Variants in PACRG observed in about 807,000 individuals in gnomAD.
PACRG encodes the protein parkin coregulated.
PACRG carries 29 observed loss-of-function variants against 29.7 expected under a neutral mutation model. The ratio of observed to expected loss-of-function variants is 0.98; its 90% CI spans 0.73 to 1.33. The LOEUF is 1.33. Among genes scored for constraint, PACRG ranks in the 40% most tolerant of loss-of-function variants. The probability of loss-of-function intolerance (pLI) is 0.00; values close to 1 mark genes in which losing one functional copy is unlikely to be tolerated. For missense variants in PACRG, 279 were observed against 316.2 expected, an observed-to-expected ratio of 0.88 and a Z score of 0.89; for synonymous variants, 116 against 118.7, an observed-to-expected ratio of 0.98 and a Z score of 0.15.
intron 2 of PACRG, among the ~76,000 whole-genome samples, chr6:163,044,471 A>C (rs564860438): frequency 1.3e-5 from 2 of 152,290 alleles, no homozygotes; most frequent in Non-Finnish European, 2.9e-5. Flanking sequence ...CTGGCTGACA[A>C]TTATTAAAAC....
intron 4 of PACRG, among the ~76,000 whole-genome samples, chr6:163,118,108 G>A (rs1347691609): frequency 5.3e-5 from 8 of 152,172 alleles, no homozygotes; most frequent in Non-Finnish European, 1.2e-4. Flanking sequence ...GGGAGAAACC[G>A]AGGTGAAAAC....
chr6:163,101,650 G>A (rs1021326648), intron 4 of PACRG, among the ~76,000 whole-genome samples: 8 of 152,112 alleles, frequency 5.3e-5, no homozygotes, highest in African/African-American at 1.9e-4. Flanking sequence ...GTGAGGAGAA[G>A]GAGTGTGATG....
At chr6:162,816,996 C>T (rs1470105653) in intron 2 of PACRG, among the ~76,000 whole-genome samples, 2 of 152,210 alleles carry the variant, frequency 1.3e-5, no homozygotes, top group Admixed American at 6.5e-5. Flanking sequence ...GGCCCTCTCT[C>T]AACTCTCCTC....
chr6:162,823,211 T>C (rs913129887), intron 2 of PACRG, among the ~76,000 whole-genome samples: 15 of 152,198 alleles, frequency 9.9e-5, no homozygotes, highest in Non-Finnish European at 2.1e-4. Flanking sequence ...ACAGCCTTGG[T>C]AAATGCACTA....
intron 1 of PACRG, among the ~76,000 whole-genome samples, chr6:162,749,256 A>G (rs1027352243): frequency 6.6e-6 from 1 of 152,160 alleles, no homozygotes; most frequent in Non-Finnish European, 1.5e-5. Context: ...GCATGGATGT[A>G]TGTTTATCTC....
At chr6:163,188,671 C>T (rs1023928386) in intron 4 of PACRG, among the ~76,000 whole-genome samples, 3 of 152,208 alleles carry the variant, frequency 2.0e-5, no homozygotes, top group African/African-American at 7.2e-5. Flanking sequence ...GCCTTTCTCA[C>T]ACTTTGTCTA....
intron 2 of PACRG, among the ~76,000 whole-genome samples, chr6:163,018,683 G>T (rs1229786213): frequency 6.6e-6 from 1 of 152,148 alleles, no homozygotes; most frequent in Non-Finnish European, 1.5e-5. Context: ...ATATGCCCCA[G>T]TGTTGGTCTT....
chr6:162,979,954 A>G lies in PACRG; in HGVS notation c.292-82196A>G, dbSNP rs145376579. ...AAATAATATTCAGTCCAGAAAAAAA[A>G]TGAAACTTAGAAATTAACAGAAATG... is the stretch of plus-strand genomic sequence containing the variant. On this transcript the variant is annotated intron_variant, in intron 2 of 4. Transcript: ENST00000366888. Among the ~76,000 whole-genome samples the G allele has an allele frequency of 9.1e-3, 1,393 of 152,286 alleles. 13 individuals are homozygous for G. Among genetic ancestry groups the G allele is most frequent in the African/African-American group, 0.024 (997 of 41,570 alleles).
intron 4 of PACRG, among the ~76,000 whole-genome samples, chr6:163,147,700 G>A (rs973653188): frequency 6.6e-6 from 1 of 152,158 alleles, no homozygotes; most frequent in Non-Finnish European, 1.5e-5. Flanking sequence ...AAAGTATTGA[G>A]CATGTGAGTT....
intron 2 of PACRG, among the ~76,000 whole-genome samples, chr6:162,817,564 A>G (rs1290369521): frequency 6.6e-6 from 1 of 152,224 alleles, no homozygotes; most frequent in Non-Finnish European, 1.5e-5. Context: ...AATGTTCTAC[A>G]TCTGCACCGT....
At chr6:163,283,224 G>T (rs1285214637) in intron 4 of PACRG, among the ~76,000 whole-genome samples, 1 of 152,194 alleles carries the variant, frequency 6.6e-6, no homozygotes, top group Non-Finnish European at 1.5e-5. Flanking sequence ...TCCTGACTCT[G>T]GTTGGTGGCA....
intron 2 of PACRG, among the ~76,000 whole-genome samples, chr6:162,956,350 T>A (rs1202824394): frequency 6.6e-6 from 1 of 152,156 alleles, no homozygotes; most frequent in Non-Finnish European, 1.5e-5. Context: ...TTTTAAGTAG[T>A]TTAAGTTGTC....
At chr6:163,272,267 G>T (rs1783859591) in intron 4 of PACRG, among the ~76,000 whole-genome samples, 1 of 152,114 alleles carries the variant, frequency 6.6e-6, no homozygotes, top group South Asian at 2.1e-4. Context: ...TTGAACTCCT[G>T]ACCTCATGAT....
intron 1 of PACRG, among the ~76,000 whole-genome samples, chr6:162,804,616 C>T (rs1472013796): frequency 6.6e-6 from 1 of 152,056 alleles, no homozygotes; most frequent in Non-Finnish European, 1.5e-5. Flanking sequence ...TTTGCCATCC[C>T]ATGCTTGGAC....
In PACRG at chr6:162,999,551, C is replaced by T. The variant is rs145364284; in HGVS notation, c.292-62599C>T. 5.2e-4 allele frequency among the ~76,000 whole-genome samples: 79 copies of T among 152,308 alleles called. 1 individual carries two copies. In the East Asian group the frequency reaches 9.8e-3, roughly 19 times the overall value. ...CTCAACCAATTTAAATTGGATTAAA[C>T]ACACACAAAAAATTCAGAAACAAGA... On this transcript the variant is annotated intron_variant, in intron 2 of 4. Transcript: ENST00000366888.
chr6:163,120,004 C>T (rs1816193975), intron 4 of PACRG, among the ~76,000 whole-genome samples: 2 of 152,118 alleles, frequency 1.3e-5, no homozygotes, highest in Non-Finnish European at 2.9e-5. Flanking sequence ...CTTTCTAAGA[C>T]ACATTTTGTA....
chr6:163,143,936 C>T (rs931171279), intron 4 of PACRG, among the ~76,000 whole-genome samples: 1 of 152,132 alleles, frequency 6.6e-6, no homozygotes, highest in Admixed American at 6.5e-5. Flanking sequence ...GTAATCTTTT[C>T]TGAAAAGTAG....
In PACRG at chr6:163,260,112, T is replaced by A. The variant is rs181165732; in HGVS notation, c.614-54715T>A. Among the ~76,000 whole-genome samples, 11 of 152,156 alleles carry A rather than the reference T, an allele frequency of 7.2e-5. No individual in the cohort carries two copies. The East Asian group carries it at 2.1e-3, about 29-fold the overall frequency. ...CCTCCAGATCTCACTCCAACTCTCA[T>A]CCCCCTTCCCTTCCCGATGTTTTCC... On this transcript the variant is annotated intron_variant, in intron 4 of 4. Transcript: ENST00000366888.
At chr6:163,289,658 G>A (rs1422933886) in intron 4 of PACRG, among the ~76,000 whole-genome samples, 1 of 152,024 alleles carries the variant, frequency 6.6e-6, no homozygotes, top group Non-Finnish European at 1.5e-5. Flanking sequence ...TACGTGTGGC[G>A]CATGTTGTCC....
Sources: allele counts gnomAD v4.1 joint callset (sites outside exome capture counted in the v4.1 genomes callset), GRCh38; gene constraint gnomAD v4.1.1; transcripts MANE v1.5; gene names NCBI Gene and HGNC (gene_info 2026-07-23, HGNC 2026-07-21).